MROH9: variants seen among roughly 807,000 people sequenced by gnomAD.
MROH9 encodes the protein maestro heat like repeat family member 9, also known as maestro heat-like repeat-containing protein family member 9.
MROH9 carries 92 observed loss-of-function variants against 98.2 expected under a neutral mutation model. The ratio of observed to expected loss-of-function variants is 0.94; its 90% CI spans 0.79 to 1.11. MROH9 has a LOEUF of 1.11. MROH9 is among the 50% of genes most tolerant of loss of function. MROH9 has a pLI of 0.00. For synonymous variants in MROH9, 397 were observed against 368.9 expected (o/e 1.08, Z -0.87); for missense variants, 1,057 against 1,014.8 (o/e 1.04, Z -0.57).
intron 8 of MROH9, among the ~76,000 whole-genome samples, chr1:170,973,712 C>T (rs1052963181): frequency 5.3e-5 from 8 of 152,048 alleles, no homozygotes; most frequent in African/African-American, 1.7e-4. Context: ...CCCGTCTCTA[C>T]TAAAAATACA....
intron 15 of MROH9, among the ~76,000 whole-genome samples, chr1:171,009,271 G>T (rs1399575072): frequency 4.0e-5 from 6 of 151,864 alleles, no homozygotes; most frequent in Non-Finnish European, 7.4e-5. Context: ...TTAAACTGAT[G>T]CAAATGAATT....
intron 7 of MROH9, among the ~76,000 whole-genome samples, chr1:170,970,748 G>GAGAC (rs1650424429): frequency 6.6e-6 from 1 of 150,776 alleles, no homozygotes; most frequent in South Asian, 2.1e-4. Context: ...GAGAGAGAGA[G>GAGAC]AGAGAGAGAG....
At chr1:171,014,977 C>T (rs1255106953) in intron 16 of MROH9, 1 of 471,740 alleles carries the variant, frequency 2.1e-6, no homozygotes, top group South Asian at 1.5e-5. Flanking sequence ...CACTGTTTCC[C>T]ATTGACTCAC....
chr1:170,947,468 C>T (rs1349481236), intron 2 of MROH9, 59 bp from the exon 3 acceptor site: 2 of 1,464,468 alleles, frequency 1.4e-6, no homozygotes, highest in African/African-American at 1.4e-5. Context: ...TAAGGCCCCA[C>T]TAAGATGATA....
chr1:170,974,760 T>A (rs1213458945), intron 8 of MROH9, among the ~76,000 whole-genome samples: 3 of 152,038 alleles, frequency 2.0e-5, no homozygotes, highest in Admixed American at 6.5e-5. Context: ...TATAGATAAA[T>A]ATTCATTTAT....
At chr1:170,941,454 C>G (rs1649116093) in intron 1 of MROH9, among the ~76,000 whole-genome samples, 1 of 151,868 alleles carries the variant, frequency 6.6e-6, no homozygotes, top group Non-Finnish European at 1.5e-5. Flanking sequence ...TATGCTTATA[C>G]AAATCAAATA....
Position 170,971,762 on chromosome 1 carries a change from T to A in MROH9, c.495T>A (p.Ala165=), listed in dbSNP as rs1345618545. Residue 165 remains alanine, a synonymous_variant, in exon 8 of 22, where the codon GCT becomes GCA. Transcript: ENST00000367759. ...TKVRKYISVD[A]PCLGLLAAEL... ...TTCTCCATTAGATAAGTGTTGATGC[T>A]CCATGTTTGGGTCTCCTGGCAGCAG... is the stretch of plus-strand genomic sequence containing the variant. 16 of 1,613,980 alleles carry A rather than the reference T, an allele frequency of 9.9e-6. No individual in the cohort carries two copies. The highest frequency in any genetic ancestry group is 1.4e-5 in the Non-Finnish European group (16 of 1,179,956).
intron 15 of MROH9, chr1:170,998,791 G>A: frequency 1.1e-6 from 1 of 950,220 alleles, no homozygotes; most frequent in Non-Finnish European, 1.3e-6. Flanking sequence ...AAAAATAAAG[G>A]CTTTATAACC....
chr1:171,016,484 C>G, intron 17 of MROH9, 148 bp downstream of exon 17: 2 of 550,970 alleles, frequency 3.6e-6, no homozygotes, highest in Admixed American at 4.3e-5. Flanking sequence ...TAGGTAAGTA[C>G]TGGTCTTTTT....
intron 3 of MROH9, among the ~76,000 whole-genome samples, chr1:170,956,924 T>C (rs1649785057): frequency 6.6e-6 from 1 of 152,084 alleles, no homozygotes; most frequent in African/African-American, 2.4e-5. Flanking sequence ...CATCCTTGTC[T>C]TGTTCCAGTT....
intron 20 of MROH9, among the ~76,000 whole-genome samples, chr1:171,058,463 C>T (rs1255098074): frequency 6.6e-6 from 1 of 151,740 alleles, no homozygotes; most frequent in Non-Finnish European, 1.5e-5. Context: ...CATCATACTA[C>T]TATTGACATT....
chr1:171,018,664 G>T (rs997483557), intron 17 of MROH9, among the ~76,000 whole-genome samples: 1 of 152,162 alleles, frequency 6.6e-6, no homozygotes, highest in African/African-American at 2.4e-5. Context: ...CTAGATAAAA[G>T]GTTAGAGGAG....
At chr1:170,981,870 A>G (rs1327573417) in intron 8 of MROH9, among the ~76,000 whole-genome samples, 1 of 152,200 alleles carries the variant, frequency 6.6e-6, no homozygotes, top group Non-Finnish European at 1.5e-5. Flanking sequence ...TATTAAAGAA[A>G]TGTAAATTAA....
rs1557903302 is a variant in MROH9, at chr1:171,025,450, CT to C, written c.2281+32del. On this transcript the variant is annotated intron_variant, in intron 20 of 21. Coordinates refer to ENST00000367759, the MANE Select transcript of MROH9 (RefSeq NM_001163629.2). ...ATATAATTCAGTTCTCAATTCCTAA[CT>C]TGTCTTAAATGGTATAGAATGGAGA... is the stretch of plus-strand genomic sequence containing the variant. 2.9e-6 allele frequency: 4 copies of C among 1,382,968 alleles called. No homozygotes were observed. The Admixed American group carries it at 8.0e-5, about 28-fold the overall frequency. The allele number at this position is 1,382,968 out of a possible 1,614,324, so 85.7% of individuals were successfully genotyped here. A position where few individuals can be genotyped will look rare whatever the true frequency, so the allele number is the denominator to read the frequency against.
At chr1:170,938,787 G>A (rs1328857316) in intron 1 of MROH9, among the ~76,000 whole-genome samples, 1 of 152,246 alleles carries the variant, frequency 6.6e-6, no homozygotes, top group Admixed American at 6.5e-5. Context: ...GATGGACGCA[G>A]TCCAATGTAG....
rs373895843 is a variant in MROH9 at position 170,953,410 on chromosome 1, C to T, written c.73-5051C>T. Reference sequence around the variant, plus strand: ...ATGGTTTCCGTGTTGCATCTAAAAACAAAAAAAAACTTTTCCTAACCAAAA... The same window carrying T: ...ATGGTTTCCGTGTTGCATCTAAAAATAAAAAAAAACTTTTCCTAACCAAAA... On this transcript the variant is annotated intron_variant, in intron 3 of 21. Coordinates refer to ENST00000367759, the MANE Select transcript of MROH9 (RefSeq NM_001163629.2). Among the ~76,000 whole-genome samples, 12 of 150,534 alleles carry T rather than the reference C, an allele frequency of 8.0e-5. No homozygotes were observed. In the East Asian group the frequency reaches 2.2e-3, roughly 27 times the overall value.
intron 3 of MROH9, among the ~76,000 whole-genome samples, chr1:170,956,349 G>A (rs1447003820): frequency 6.6e-6 from 1 of 151,990 alleles, no homozygotes; most frequent in African/African-American, 2.4e-5. Flanking sequence ...CTAATTCTAT[G>A]AAGAATGTTG....
chr1:170,999,658 C>T (rs568470155), intron 15 of MROH9, among the ~76,000 whole-genome samples: 28 of 152,094 alleles, frequency 1.8e-4, no homozygotes, highest in African/African-American at 6.0e-4. Flanking sequence ...GTTTCTTTTT[C>T]GAATAATGTC....
rs142853773 is a variant in MROH9 at position 171,016,037 on chromosome 1, A to G, written c.1735-126A>G. ...AGTCAACATTTTTGAAAATTTGACA[A>G]GAGATTTTCGTGAGTCGGCTTCCGC... On this transcript the variant is annotated intron_variant, in intron 16 of 21. Transcript: ENST00000367759. 509 of 502,104 alleles carry G rather than the reference A, an allele frequency of 1.0e-3. 4 individuals are homozygous for G. Among genetic ancestry groups the G allele is most frequent in the African/African-American group, 8.9e-3 (450 of 50,304 alleles). The allele number at this position is 502,104 out of a possible 1,614,324, so 31.1% of individuals were successfully genotyped here. A position where few individuals can be genotyped will look rare whatever the true frequency, so the allele number is the denominator to read the frequency against.
Sources: allele counts gnomAD v4.1 joint callset (sites outside exome capture counted in the v4.1 genomes callset), GRCh38; gene constraint gnomAD v4.1.1; transcripts MANE v1.5; gene names NCBI Gene and HGNC (gene_info 2026-07-23, HGNC 2026-07-21).